Variants in OR56A3 observed in about 807,000 individuals in gnomAD.
OR56A3 encodes olfactory receptor 56A3.
OR56A3 carries 23 observed loss-of-function variants against 17.5 expected under a neutral mutation model. That is an observed-to-expected ratio of 1.32 (90% CI 0.95 to 1.87). The LOEUF (loss-of-function observed/expected upper bound fraction) is 1.87, where lower values mean the gene tolerates loss of function less well. OR56A3 is among the 40% of genes most tolerant of loss of function. The pLI, the probability that OR56A3 is intolerant of heterozygous loss-of-function variation, is 0.00. For synonymous variants in OR56A3, 175 were observed against 150.6 expected, an observed-to-expected ratio of 1.16 and a Z score of -1.19; for missense variants, 366 against 380.1, an observed-to-expected ratio of 0.96 and a Z score of 0.31.
At chr11:5,986,734 A>T in the OR56A3 span, 1 of 1,613,834 alleles carries the variant, frequency 6.2e-7, no homozygotes, top group African/African-American at 1.3e-5. Context: ...CATCCAGATG[A>T]TGAAGAGAAT....
chr11:6,011,819 C>A, the OR56A3 span, among the ~76,000 whole-genome samples: 2 of 152,218 alleles, frequency 1.3e-5, no homozygotes, highest in African/African-American at 4.8e-5. Context: ...TCTGGCCACT[C>A]TGCAGTCAGA....
the OR56A3 span, among the ~76,000 whole-genome samples, chr11:5,974,870 A>G: frequency 1.3e-5 from 2 of 152,202 alleles, no homozygotes; most frequent in African/African-American, 4.8e-5. Flanking sequence ...AGCACTTAAA[A>G]CAGTGCTGAG....
chr11:6,002,179 G>A, the OR56A3 span: 18 of 1,614,204 alleles, frequency 1.1e-5, no homozygotes, highest in Non-Finnish European at 1.4e-5. Context: ...ACATCTGGAG[G>A]AATTCTCTTC....
At chr11:5,985,948 T>G in the OR56A3 span, 1 of 1,604,800 alleles carries the variant, frequency 6.2e-7, no homozygotes, top group South Asian at 1.1e-5. Context: ...AGATCAATCC[T>G]TTTGTGTAAA....
chr11:5,993,760 T>C, the OR56A3 span: 647 of 221,508 alleles, frequency 2.9e-3, 4 homozygotes, highest in African/African-American at 0.014. Context: ...TAATATGTTA[T>C]TTTACTCAGC....
At chr11:5,999,678 T>C in the OR56A3 span, 1 of 152,192 alleles carries the variant, frequency 6.6e-6, no homozygotes, top group Non-Finnish European at 1.5e-5. Context: ...AAGTAGTTAT[T>C]AAAGAAAATG....
At position 5,948,067 on chromosome 11, in the gene OR56A3, G is replaced by T; in HGVS notation, c.721G>T (p.Ala241Ser). ...RLKAEGAVAKALSTCGSHFML... is the reference protein window; with the variant it reads ...RLKAEGAVAKSLSTCGSHFML... ...CAAGGCAGAGGGTGCCGTGGCAAAG[G>T]CCCTAAGCACATGTGGCTCCCACTT... The change falls in exon 3 of 3, where the codon GCC becomes TCC. Residue 241 changes from alanine to serine, a missense_variant. By Grantham distance (99) the Ala-to-Ser change is moderately conservative. Coordinates refer to ENST00000641160, the MANE Select transcript of OR56A3 (RefSeq NM_001003443.3). 6.2e-7 allele frequency: 1 copy of T among 1,614,186 alleles called. No homozygotes were observed. The highest frequency in any genetic ancestry group is 8.5e-7 in the Non-Finnish European group (1 of 1,180,038).
At chr11:5,982,613 C>T in the OR56A3 span, among the ~76,000 whole-genome samples, 1 of 152,156 alleles carries the variant, frequency 6.6e-6, no homozygotes, top group African/African-American at 2.4e-5. Flanking sequence ...ACAGGGCCAA[C>T]AGTCAACAAG....
At chr11:5,942,597 T>C (rs918334526) in intron 1 of OR56A3, among the ~76,000 whole-genome samples, 2 of 152,350 alleles carry the variant, frequency 1.3e-5, no homozygotes, top group Non-Finnish European at 2.9e-5. Context: ...CCTACCAGTG[T>C]CTGAATTATA....
the OR56A3 span, among the ~76,000 whole-genome samples, chr11:5,975,123 T>C: frequency 1.3e-5 from 2 of 152,234 alleles, no homozygotes; most frequent in Non-Finnish European, 2.9e-5. Context: ...GTCCAGATCA[T>C]ATATTGTGGA....
At chr11:6,011,204 T>G in the OR56A3 span, among the ~76,000 whole-genome samples, 1 of 122,524 alleles carries the variant, frequency 8.2e-6, no homozygotes, top group African/African-American at 3.1e-5. Flanking sequence ...GAGATTTATT[T>G]TATATATATA....
the OR56A3 span, among the ~76,000 whole-genome samples, chr11:5,987,350 A>G: frequency 6.6e-6 from 1 of 152,002 alleles, no homozygotes; most frequent in African/African-American, 2.4e-5. Flanking sequence ...CATTTTCTCT[A>G]TCTCATTATG....
At chr11:5,967,298 G>A in the OR56A3 span, 2 of 427,672 alleles carry the variant, frequency 4.7e-6, no homozygotes, top group Non-Finnish European at 8.3e-6. Flanking sequence ...ATTATGGCTT[G>A]TCAATTCGTA....
chr11:5,961,518 ATG>A, the OR56A3 span, among the ~76,000 whole-genome samples: 1 of 152,152 alleles, frequency 6.6e-6, no homozygotes, highest in Non-Finnish European at 1.5e-5. Context: ...GCGGTGCAAG[ATG>A]TGCTTTGTTA....
intron 1 of OR56A3, among the ~76,000 whole-genome samples, chr11:5,943,061 G>T (rs1233137234): frequency 6.6e-6 from 1 of 152,152 alleles, no homozygotes; most frequent in South Asian, 2.1e-4. Context: ...GGCAAGTTTT[G>T]ATTACAAACC....
At chr11:5,977,147 C>T in the OR56A3 span, among the ~76,000 whole-genome samples, 1 of 152,278 alleles carries the variant, frequency 6.6e-6, no homozygotes, top group African/African-American at 2.4e-5. Flanking sequence ...CATATCATTG[C>T]TATTGTGAAT....
At chr11:6,002,284 C>A in the OR56A3 span, 1 of 1,614,216 alleles carries the variant, frequency 6.2e-7, no homozygotes, top group Non-Finnish European at 8.5e-7. Flanking sequence ...GCCTTGGCCA[C>A]AGCACCCTCG....
the OR56A3 span, among the ~76,000 whole-genome samples, chr11:5,969,315 A>G: frequency 6.6e-6 from 1 of 152,168 alleles, no homozygotes; most frequent in Non-Finnish European, 1.5e-5. Flanking sequence ...GCTTCAAGCA[A>G]TTTTCCATAT....
In OR56A3 at chr11:5,948,051, G is replaced by C. The variant is rs1394695937; in HGVS notation, c.705G>C (p.Glu235Asp). 6.2e-7 allele frequency: 1 copy of C among 1,614,082 alleles called. No individual in the cohort carries two copies. Among genetic ancestry groups the C allele is most frequent in the Non-Finnish European group, 8.5e-7 (1 of 1,180,032 alleles). Residue 235 changes from glutamate (E) to aspartate (D), a missense_variant, in exon 3 of 3, where the codon GAG (glutamate) becomes GAC (aspartate). Physicochemically the swap from Glu to Asp is conservative, Grantham distance 45 (BLOSUM62 2). Transcript: ENST00000641160. Reference protein sequence around the residue: ...ILRAVLRLKAEGAVAKALSTC... With the variant: ...ILRAVLRLKADGAVAKALSTC... Reference sequence around the variant, plus strand: ...GAGCTGTGCTGAGACTCAAGGCAGAGGGTGCCGTGGCAAAGGCCCTAAGCA... The same window carrying C: ...GAGCTGTGCTGAGACTCAAGGCAGACGGTGCCGTGGCAAAGGCCCTAAGCA...
Sources: allele counts gnomAD v4.1 joint callset (sites outside exome capture counted in the v4.1 genomes callset), GRCh38; gene constraint gnomAD v4.1.1; transcripts MANE v1.5; gene names NCBI Gene and HGNC (gene_info 2026-07-23, HGNC 2026-07-21).